Variants in MCPH1 observed in about 807,000 individuals in gnomAD.
MCPH1 encodes microcephalin.
A neutral mutation model predicts 84.5 loss-of-function variants in MCPH1; 104 were observed. The observed-to-expected ratio is 1.23, with a 90% CI of 1.05 to 1.45. The LOEUF is 1.45. MCPH1 is among the 40% of genes most tolerant of loss of function. MCPH1 has a pLI of 0.00. For missense variants in MCPH1, 1,498 were observed against 1,005.7 expected (o/e 1.49, Z -6.62); for synonymous variants, 514 against 366.8 (o/e 1.40, Z -4.58).
At chr8:6,640,091 TGTGTGTGC>T (rs1258125570) in intron 13 of MCPH1, among the ~76,000 whole-genome samples, 63 of 144,930 alleles carry the variant, frequency 4.3e-4, no homozygotes, top group Middle Eastern at 3.5e-3. Context: ...TGTGTGTGTG[TGTGTGTGC>T]GCGCGCGTGT....
chr8:6,419,181 ACACACACG>A (rs59124034), intron 3 of MCPH1, among the ~76,000 whole-genome samples: 3,888 of 37,946 alleles, frequency 0.1, 69 homozygotes, highest in South Asian at 0.2. Flanking sequence ...ACACACACAC[ACACACACG>A]CATTTTTACC....
chr8:6,420,667 C>A (rs1164942521), intron 3 of MCPH1, among the ~76,000 whole-genome samples: 1 of 152,080 alleles, frequency 6.6e-6, no homozygotes, highest in Non-Finnish European at 1.5e-5. Flanking sequence ...TTTATCTCTG[C>A]TGTTACAGTC....
intron 12 of MCPH1, 165 bp from the exon 13 acceptor site, chr8:6,621,286 TGTC>T (rs1831384704): frequency 1.2e-6 from 1 of 831,586 alleles, no homozygotes; most frequent in Non-Finnish European, 1.9e-6. Flanking sequence ...ATGTCATTAA[TGTC>T]ATCATCTTCT....
intron 9 of MCPH1, among the ~76,000 whole-genome samples, chr8:6,468,704 T>C (rs144072193): frequency 2.8e-4 from 43 of 151,750 alleles, no homozygotes; most frequent in Non-Finnish European, 4.7e-4. Flanking sequence ...ACAGTAAGTA[T>C]TGAAAACTGA....
At chr8:6,427,934 A>AGGCACGCACC (rs1801302845) in intron 3 of MCPH1, among the ~76,000 whole-genome samples, 1 of 151,854 alleles carries the variant, frequency 6.6e-6, no homozygotes. Flanking sequence ...CTGGAATTAC[A>AGGCACGCACC]GGCACGCACC....
chr8:6,607,071 C>T (rs10100002), intron 12 of MCPH1, among the ~76,000 whole-genome samples: 96,360 of 152,136 alleles, frequency 0.63, 33,086 homozygotes, highest in Non-Finnish European at 0.79. Flanking sequence ...TCAGGACACA[C>T]TGTCCCCATT....
chr8:6,447,210 CT>C (rs1804530109), intron 8 of MCPH1: 3 of 985,222 alleles, frequency 3.0e-6, no homozygotes, highest in Non-Finnish European at 3.6e-6. Context: ...AAACTGTCCA[CT>C]GTCAGCCCCC....
At chr8:6,545,076 C>T (rs993025536) in intron 12 of MCPH1, among the ~76,000 whole-genome samples, 6 of 152,058 alleles carry the variant, frequency 3.9e-5, no homozygotes, top group Non-Finnish European at 8.8e-5. Flanking sequence ...TCACAGAAGC[C>T]ACACCCTAGG....
At chr8:6,408,622 T>C (rs1309620183) in intron 1 of MCPH1, among the ~76,000 whole-genome samples, 1 of 151,156 alleles carries the variant, frequency 6.6e-6, no homozygotes, top group Non-Finnish European at 1.5e-5. Flanking sequence ...AGCTTCTACC[T>C]CCTGGGCTCT....
At chr8:6,619,546 C>G (rs575184530) in intron 12 of MCPH1, among the ~76,000 whole-genome samples, 1 of 152,128 alleles carries the variant, frequency 6.6e-6, no homozygotes, top group South Asian at 2.1e-4. Context: ...TCACCTCAGC[C>G]TCCCCAAGTG....
At chr8:6,417,066 G>C (rs1411637782) in intron 3 of MCPH1, among the ~76,000 whole-genome samples, 3 of 151,884 alleles carry the variant, frequency 2.0e-5, no homozygotes, top group Admixed American at 1.3e-4. Context: ...AAATTTAAGT[G>C]TCTCGATATG....
chr8:6,641,050 A>T (rs928923449), intron 13 of MCPH1, among the ~76,000 whole-genome samples: 1 of 151,682 alleles, frequency 6.6e-6, no homozygotes, highest in Non-Finnish European at 1.5e-5. Flanking sequence ...GGTATGTCAA[A>T]TTTTTTCTCA....
intron 10 of MCPH1, among the ~76,000 whole-genome samples, chr8:6,479,228 CTG>C (rs1808864027): frequency 6.6e-6 from 1 of 151,906 alleles, no homozygotes; most frequent in Admixed American, 6.6e-5. Flanking sequence ...GATTGTACCA[CTG>C]CACTCCAGCC....
chr8:6,555,562 A>G (rs185540861), intron 12 of MCPH1, among the ~76,000 whole-genome samples: 21 of 151,668 alleles, frequency 1.4e-4, no homozygotes, highest in Admixed American at 5.9e-4. Flanking sequence ...CCTGGGTTCA[A>G]ATGATCCACC....
chr8:6,602,547 C>G (rs933496576), intron 12 of MCPH1, among the ~76,000 whole-genome samples: 1 of 151,988 alleles, frequency 6.6e-6, no homozygotes, highest in African/African-American at 2.4e-5. Context: ...CTGGGCTGTG[C>G]TCTCCCACTC....
At chr8:6,633,760 A>G (rs528207206) in intron 13 of MCPH1, among the ~76,000 whole-genome samples, 142 of 152,322 alleles carry the variant, frequency 9.3e-4, no homozygotes, top group African/African-American at 3.3e-3. Flanking sequence ...ACGATACCTC[A>G]CGTGGGGCCG....
At chr8:6,634,493 CTG>C (rs142127679) in intron 13 of MCPH1, among the ~76,000 whole-genome samples, 36,526 of 152,060 alleles carry the variant, frequency 0.24, 4,974 homozygotes, top group Non-Finnish European at 0.32. Context: ...GACAGAATGA[CTG>C]TGCAGTGCTG....
chr8:6,607,818 G>A (rs553092551), intron 12 of MCPH1, among the ~76,000 whole-genome samples: 1 of 152,320 alleles, frequency 6.6e-6, no homozygotes, highest in African/African-American at 2.4e-5. Context: ...CCAGGCAGGT[G>A]GAACTGTGAG....
chr8:6,509,908 C>A (rs770318690), intron 12 of MCPH1, among the ~76,000 whole-genome samples: 2 of 152,150 alleles, frequency 1.3e-5, no homozygotes, highest in African/African-American at 4.8e-5. Context: ...ACCTGTGGCT[C>A]GCTGCCGCTG....
Sources: allele counts gnomAD v4.1 joint callset (sites outside exome capture counted in the v4.1 genomes callset), GRCh38; gene constraint gnomAD v4.1.1; transcripts MANE v1.5; gene names NCBI Gene and HGNC (gene_info 2026-07-23, HGNC 2026-07-21).